Variants in FILIP1L observed in about 807,000 individuals in gnomAD.
The protein encoded by FILIP1L is filamin A-interacting protein 1-like.
In FILIP1L, 55 loss-of-function variants were observed where a neutral mutation model predicts 96.6. That is an observed-to-expected ratio of 0.57 (90% CI 0.46 to 0.71). FILIP1L has a LOEUF of 0.71. Among genes scored for constraint, FILIP1L ranks in the 30% least tolerant of loss-of-function variants. The pLI is 0.00. For synonymous variants in FILIP1L, 467 were observed against 473.9 expected (o/e 0.99, Z 0.19); for missense variants, 1,304 against 1,321.2 (o/e 0.99, Z 0.20).
intron 1 of FILIP1L, among the ~76,000 whole-genome samples, chr3:99,985,987 G>A (rs1709329798): frequency 6.6e-6 from 1 of 152,184 alleles, no homozygotes; most frequent in Non-Finnish European, 1.5e-5. Flanking sequence ...ACAATACTTT[G>A]ATACTAATAG....
At chr3:99,847,351 T>TC (rs1017593622) in intron 5 of FILIP1L, among the ~76,000 whole-genome samples, 18 of 151,900 alleles carry the variant, frequency 1.2e-4, no homozygotes, top group Admixed American at 3.3e-4. Flanking sequence ...CATTTTCTTT[T>TC]TTTTTTTTTG....
In FILIP1L at chr3:99,849,488, T is replaced by G. The variant is rs142569410; in HGVS notation, c.2188A>C (p.Met730Leu). 1.8e-5 allele frequency: 29 copies of G among 1,613,516 alleles called. No homozygotes were observed. Among genetic ancestry groups the G allele is most frequent in the Non-Finnish European group, 2.4e-5 (28 of 1,179,906 alleles). Residue 730 changes from methionine (M) to leucine (L), a missense_variant, in exon 5 of 6, where the codon ATG becomes CTG. Coordinates refer to ENST00000477258, the MANE Select transcript of FILIP1L (RefSeq NM_001387850.1). ...DALKEKIHEY[M>L]ATEDLICHLQ... Reference sequence around the variant, plus strand: ...TGACATATTAGGTCTTCAGTTGCCATGTATTCATGAATTTTCTCTTTTAAT... The same window carrying G: ...TGACATATTAGGTCTTCAGTTGCCAGGTATTCATGAATTTTCTCTTTTAAT...
intron 1 of FILIP1L, among the ~76,000 whole-genome samples, chr3:100,010,402 T>TATAG (rs1250069221): frequency 3.3e-5 from 5 of 152,098 alleles, no homozygotes; most frequent in African/African-American, 1.2e-4. Flanking sequence ...CCTGCCTCTT[T>TATAG]ATAGCTATTG....
chr3:100,043,510 T>C (rs2065237604), intron 1 of FILIP1L, among the ~76,000 whole-genome samples: 2 of 152,172 alleles, frequency 1.3e-5, no homozygotes. Flanking sequence ...TTATGTCTCA[T>C]TTGCTGTGGG....
intron 1 of FILIP1L, among the ~76,000 whole-genome samples, chr3:99,996,831 C>T (rs1291526702): frequency 1.3e-5 from 2 of 151,762 alleles, no homozygotes; most frequent in Non-Finnish European, 2.9e-5. Flanking sequence ...GTCCCTCCCA[C>T]AACACATGGG....
intron 1 of FILIP1L, among the ~76,000 whole-genome samples, chr3:99,939,514 C>T (rs934650227): frequency 6.6e-6 from 1 of 152,188 alleles, no homozygotes; most frequent in Admixed American, 6.5e-5. Context: ...CCCTTCAGCC[C>T]AGGGTCTTTC....
chr3:99,950,206 C>G (rs1472510900), intron 1 of FILIP1L, among the ~76,000 whole-genome samples: 1 of 152,124 alleles, frequency 6.6e-6, no homozygotes, highest in Non-Finnish European at 1.5e-5. Context: ...TATATTTTCT[C>G]TTGCCACTTG....
chr3:100,043,379 C>T (rs2065235403), intron 1 of FILIP1L, among the ~76,000 whole-genome samples: 1 of 152,140 alleles, frequency 6.6e-6, no homozygotes, highest in African/African-American at 2.4e-5. Context: ...TTGTTTCCTT[C>T]GTTCTTGAAT....
At chr3:100,056,016 G>T (rs1559741702) in intron 1 of FILIP1L, among the ~76,000 whole-genome samples, 1 of 152,162 alleles carries the variant, frequency 6.6e-6, no homozygotes, top group African/African-American at 2.4e-5. Flanking sequence ...TAGTTGATCT[G>T]GTTGGGGAAA....
intron 1 of FILIP1L, among the ~76,000 whole-genome samples, chr3:100,008,255 C>T (rs1344104661): frequency 6.6e-6 from 1 of 152,116 alleles, no homozygotes; most frequent in Non-Finnish European, 1.5e-5. Flanking sequence ...CCCCTGCTTC[C>T]CAATTAGATT....
intron 1 of FILIP1L, among the ~76,000 whole-genome samples, chr3:100,068,350 C>CTGTGTGTGTGTGTG (rs62958661): frequency 2.0e-5 from 3 of 149,406 alleles, no homozygotes; most frequent in African/African-American, 7.4e-5. Flanking sequence ...GAAAGAGCCT[C>CTGTGTGTGTGTGTG]TGTGTGTGTG....
rs1942626114 is a variant in FILIP1L at position 99,830,247 on chromosome 3, G to T, written c.*167C>A. The stretch of plus-strand genomic sequence containing the variant: ...TGTGTGTGCATATACACATATAGAA[G>T]TAAAATAATTGTAGACGTGCTGCTT... On this transcript the variant is annotated 3_prime_UTR_variant, in exon 6 of 6. Coordinates refer to ENST00000477258, the MANE Select transcript of FILIP1L (RefSeq NM_001387850.1). The T allele has an allele frequency of 2.9e-6, 1 of 343,252 alleles. No individual in the cohort carries two copies. Among genetic ancestry groups the T allele is most frequent in the East Asian group, 7.5e-5 (1 of 13,386 alleles). 21.3% of individuals were successfully genotyped at this position (343,252 alleles called of 1,614,324 possible).
chr3:99,899,015 A>G (rs1706352268), intron 4 of FILIP1L, among the ~76,000 whole-genome samples: 1 of 152,150 alleles, frequency 6.6e-6, no homozygotes, highest in Admixed American at 6.5e-5. Context: ...AGAAGGCTGG[A>G]ACACACATAC....
chr3:100,070,831 A>G (rs1278620097), intron 1 of FILIP1L, among the ~76,000 whole-genome samples: 1 of 152,154 alleles, frequency 6.6e-6, no homozygotes, highest in Non-Finnish European at 1.5e-5. Context: ...GGGTCTCACC[A>G]TGTTGGCCAG....
intron 4 of FILIP1L, among the ~76,000 whole-genome samples, chr3:99,888,547 G>A (rs538383137): frequency 8.5e-5 from 13 of 152,276 alleles, no homozygotes; most frequent in South Asian, 2.1e-4. Flanking sequence ...TGGTTCGTTG[G>A]TTGGTTTTGT....
intron 1 of FILIP1L, among the ~76,000 whole-genome samples, chr3:99,985,779 G>A (rs1709322182): frequency 6.6e-6 from 1 of 152,022 alleles, no homozygotes; most frequent in Non-Finnish European, 1.5e-5. Context: ...ACTAGAGATG[G>A]GGTTTCCCCA....
At chr3:99,997,583 A>G (rs768160501) in intron 1 of FILIP1L, among the ~76,000 whole-genome samples, 50 of 152,282 alleles carry the variant, frequency 3.3e-4, no homozygotes, top group African/African-American at 1.1e-3. Flanking sequence ...TTCACAATAG[A>G]TGGTAGGGGC....
intron 1 of FILIP1L, among the ~76,000 whole-genome samples, chr3:100,107,542 C>A (rs568227527): frequency 6.6e-6 from 1 of 152,120 alleles, no homozygotes; most frequent in African/African-American, 2.4e-5. Context: ...ACTAACCTAA[C>A]CACTAAACGA....
intron 4 of FILIP1L, chr3:99,876,218 G>C (rs1181656443): frequency 2.0e-6 from 2 of 985,306 alleles, no homozygotes; most frequent in East Asian, 2.3e-4. Flanking sequence ...TTACGTCACT[G>C]TTCTGCCTTA....
Sources: gnomAD v4.1 joint callset for allele counts (sites outside exome capture counted in the v4.1 genomes callset) on GRCh38, gnomAD v4.1.1 for gene constraint, MANE v1.5 for transcripts, NCBI Gene and HGNC (gene_info 2026-07-23, HGNC 2026-07-21) for gene names.